WFDC10B: variants seen among roughly 807,000 people sequenced by gnomAD.
WFDC10B encodes the protein WAP four-disulfide core domain 10B.
A neutral mutation model predicts 2.7 loss-of-function variants in WFDC10B; 1 was observed. The ratio of observed to expected loss-of-function variants is 0.38; its 90% CI spans 0.13 to 1.79. WFDC10B has a LOEUF of 1.79. Ranked by LOEUF, WFDC10B falls within the 40% of genes most tolerant of loss-of-function variation. WFDC10B has a pLI of 0.33. For missense variants in WFDC10B, 71 were observed against 87.8 expected, an observed-to-expected ratio of 0.81 and a Z score of 0.76; for synonymous variants, 26 against 32.2, an observed-to-expected ratio of 0.81 and a Z score of 0.65.
chr20:45,686,007 C>T lies in WFDC10B; in HGVS notation c.-15G>A, dbSNP rs201298597. 6.8e-5 allele frequency: 109 copies of T among 1,613,102 alleles called. No individual in the cohort carries two copies. The highest frequency in any genetic ancestry group is 1.1e-4 in the East Asian group (5 of 44,850). On this transcript the variant is annotated 5_prime_UTR_variant, in exon 3 of 4. Transcript: ENST00000330523. ...TGGGGTGCCATAACTCTGACCAGAG[C>T]GTGAGCCCTAAGTCTGGCCAGGCAG...
intron 2 of WFDC10B, 21 bp from the exon 3 acceptor site, chr20:45,686,077 A>G (rs1983607408): frequency 6.5e-7 from 1 of 1,544,868 alleles, no homozygotes; most frequent in Non-Finnish European, 8.8e-7. Flanking sequence ...GGAAGGAAAT[A>G]AAGAAGGAAT....
Position 45,704,489 on chromosome 20 carries a change from G to A in WFDC10B, c.-65+8C>T. On this transcript the variant is annotated splice_region_variant and intron_variant, in intron 2 of 3. Transcript: ENST00000330523. ...CCCTGCATATCAGCACCTGAAAACT[G>A]TACTCACCTGTGTACAATGCAGGAA... is the stretch of plus-strand genomic sequence containing the variant. 1.2e-6 allele frequency: 2 copies of A among 1,614,094 alleles called. No homozygotes were observed. The highest frequency in any genetic ancestry group is 2.2e-5 in the South Asian group (2 of 91,076).
At chr20:45,694,882 T>C (rs531487467) in intron 2 of WFDC10B, among the ~76,000 whole-genome samples, 2 of 152,266 alleles carry the variant, frequency 1.3e-5, no homozygotes, top group South Asian at 4.1e-4. Context: ...TGAAGCTCTA[T>C]AAAAACTCTT....
At chr20:45,692,017 T>C (rs1009106073) in intron 2 of WFDC10B, among the ~76,000 whole-genome samples, 111 of 152,302 alleles carry the variant, frequency 7.3e-4, no homozygotes, top group Non-Finnish European at 1.4e-3. Context: ...CAGGAGCTCT[T>C]TTAGGGCAGG....
chr20:45,700,595 A>C (rs1445628333), intron 2 of WFDC10B, among the ~76,000 whole-genome samples: 1 of 152,250 alleles, frequency 6.6e-6, no homozygotes, highest in African/African-American at 2.4e-5. Context: ...TTATCATCTC[A>C]ATATACATAG....
At chr20:45,704,614 C>T in intron 1 of WFDC10B, 53 bp from the exon 2 acceptor site, 1 of 1,612,426 alleles carries the variant, frequency 6.2e-7, no homozygotes, top group Non-Finnish European at 8.5e-7. Context: ...ATCTCATATC[C>T]AGGTCTGATC....
At chr20:45,690,603 T>C (rs1983780872) in intron 2 of WFDC10B, among the ~76,000 whole-genome samples, 1 of 152,152 alleles carries the variant, frequency 6.6e-6, no homozygotes, top group African/African-American at 2.4e-5. Context: ...ATCCATTTCT[T>C]CTAGATTTTC....
intron 2 of WFDC10B, among the ~76,000 whole-genome samples, chr20:45,701,557 T>C (rs1984161673): frequency 6.6e-6 from 1 of 151,012 alleles, no homozygotes; most frequent in African/African-American, 2.4e-5. Context: ...AGGTCAGGAG[T>C]TCAAGACTAG....
At chr20:45,689,852 G>T (rs965309491) in intron 2 of WFDC10B, among the ~76,000 whole-genome samples, 4 of 152,052 alleles carry the variant, frequency 2.6e-5, no homozygotes, top group African/African-American at 7.2e-5. Context: ...CTGCCTAATT[G>T]CCCAGGCCAG....
intron 2 of WFDC10B, among the ~76,000 whole-genome samples, chr20:45,690,379 CT>C (rs1320822902): frequency 2.0e-5 from 3 of 152,094 alleles, no homozygotes; most frequent in Non-Finnish European, 2.9e-5. Context: ...AGGATTCCCT[CT>C]TTTTCTATTG....
intron 2 of WFDC10B, among the ~76,000 whole-genome samples, chr20:45,697,379 ATTTT>A (rs869059383): frequency 0.15 from 17,072 of 113,708 alleles, 1,208 homozygotes; most frequent in East Asian, 0.36. Flanking sequence ...ACATCCCATC[ATTTT>A]TTTTTTTTTT....
rs368775627 is a variant in WFDC10B at position 45,704,920 on chromosome 20, G to A, written c.-132C>T. Reference sequence around the variant, plus strand: ...CCCTTATCCCAGGGACACTGTACCTGCAGGTGTAACCAAAATCCCAAAGCA... The same window carrying A: ...CCCTTATCCCAGGGACACTGTACCTACAGGTGTAACCAAAATCCCAAAGCA... On this transcript the variant is annotated splice_region_variant and 5_prime_UTR_variant, in exon 1 of 4. Transcript: ENST00000330523. 1.5e-5 allele frequency: 25 copies of A among 1,613,820 alleles called. 3 individuals carry two copies. In the Admixed American group the frequency reaches 1.8e-4, roughly 12 times the overall value.
At chr20:45,691,832 T>C (rs1983822805) in intron 2 of WFDC10B, among the ~76,000 whole-genome samples, 1 of 152,218 alleles carries the variant, frequency 6.6e-6, no homozygotes, top group African/African-American at 2.4e-5. Context: ...ATTTAGTCCA[T>C]TACATTTAAA....
intron 3 of WFDC10B, 140 bp from the exon 4 acceptor site, chr20:45,685,100 C>A: frequency 9.7e-7 from 1 of 1,031,984 alleles, no homozygotes. Context: ...AACTTCCTTC[C>A]AGCCCATCAC....
chr20:45,691,599 CTTT>C (rs1207088953), intron 2 of WFDC10B, among the ~76,000 whole-genome samples: 1 of 151,586 alleles, frequency 6.6e-6, no homozygotes, highest in Admixed American at 6.6e-5. Context: ...TAATGGCCTT[CTTT>C]GTCTCTTTTG....
Position 45,686,050 on chromosome 20 carries a change from G to C in WFDC10B, c.-58C>G. The C allele has an allele frequency of 6.3e-7, 1 of 1,590,426 alleles. No individual in the cohort carries two copies. The highest frequency in any genetic ancestry group is 1.1e-5 in the South Asian group (1 of 88,224). On this transcript the variant is annotated 5_prime_UTR_variant, in exon 3 of 4. Coordinates refer to ENST00000330523, the MANE Select transcript of WFDC10B (RefSeq NM_172006.2). ...CCAGGCAGTCACAGACTTCCCTGCA[G>C]AGCTGCCTGTGGAGAGGGAAGGAAA... is the stretch of plus-strand genomic sequence containing the variant.
intron 2 of WFDC10B, among the ~76,000 whole-genome samples, chr20:45,689,839 C>G (rs1026775738): frequency 4.3e-4 from 65 of 152,310 alleles, no homozygotes; most frequent in Admixed American, 3.1e-3. Context: ...TTATTTCCTT[C>G]TCCTGCCTAA....
intron 2 of WFDC10B, 147 bp from the exon 3 acceptor site, chr20:45,686,203 A>C (rs1983612294): frequency 4.5e-6 from 4 of 892,654 alleles, no homozygotes; most frequent in Non-Finnish European, 6.4e-6. Flanking sequence ...GGGCTTCTGC[A>C]GGAATGATGC....
chr20:45,690,799 T>C (rs985031190), intron 2 of WFDC10B, among the ~76,000 whole-genome samples: 1 of 152,208 alleles, frequency 6.6e-6, no homozygotes, highest in African/African-American at 2.4e-5. Flanking sequence ...CCTAGATTCA[T>C]TAAATTTTTG....
Sources: allele counts gnomAD v4.1 joint callset (sites outside exome capture counted in the v4.1 genomes callset), GRCh38; gene constraint gnomAD v4.1.1; transcripts MANE v1.5; gene names NCBI Gene and HGNC (gene_info 2026-07-23, HGNC 2026-07-21).